Variants in ANTXR1 observed in about 807,000 individuals in gnomAD.
ANTXR1 encodes the protein ANTXR cell adhesion molecule 1, also known as anthrax toxin receptor 1.
ANTXR1 carries 19 observed loss-of-function variants against 78.1 expected under a neutral mutation model. That is an observed-to-expected ratio of 0.24 (90% CI 0.17 to 0.36). ANTXR1 has a LOEUF of 0.36. Ranked by LOEUF, ANTXR1 falls within the 10% of genes least tolerant of loss-of-function variation. The probability of loss-of-function intolerance (pLI) is 1.00; values close to 1 mark genes in which losing one functional copy is unlikely to be tolerated. For synonymous variants in ANTXR1, 273 were observed against 260.5 expected, an observed-to-expected ratio of 1.05 and a Z score of -0.46; for missense variants, 518 against 718.6, an observed-to-expected ratio of 0.72 and a Z score of 3.19.
chr2:69,020,586 T>C (rs1671155767), intron 1 of ANTXR1, among the ~76,000 whole-genome samples: 1 of 152,128 alleles, frequency 6.6e-6, no homozygotes, highest in Non-Finnish European at 1.5e-5. Context: ...CAGAAACAAA[T>C]TCTGGGATCA....
Position 69,173,563 on chromosome 2 carries a change from C to T in ANTXR1, c.1089+3274C>T, listed in dbSNP as rs76403987. Among the ~76,000 whole-genome samples the T allele has an allele frequency of 3.4e-4, 52 of 152,308 alleles. No homozygotes were observed. In the East Asian group the frequency reaches 7.9e-3, roughly 23 times the overall value. On this transcript the variant is annotated intron_variant, in intron 14 of 17. Transcript: ENST00000303714. ...GAAGGAGGAATGGACCTGGTGCAGG[C>T]CCTGTGGCCTCTCTGAAATAGTATT...
chr2:69,047,100 G>A (rs1431545423), intron 3 of ANTXR1, among the ~76,000 whole-genome samples: 1 of 152,132 alleles, frequency 6.6e-6, no homozygotes, highest in Non-Finnish European at 1.5e-5. Context: ...CACATATATG[G>A]AGGGCTGACT....
chr2:69,077,301 G>A (rs936847727), intron 7 of ANTXR1, 107 bp from the exon 8 acceptor site: 18 of 1,206,916 alleles, frequency 1.5e-5, no homozygotes, highest in African/African-American at 3.0e-5. Flanking sequence ...ATATTCCCCT[G>A]GGTTCTGAAT....
intron 3 of ANTXR1, among the ~76,000 whole-genome samples, chr2:69,067,119 T>C (rs1670421981): frequency 6.6e-6 from 1 of 152,078 alleles, no homozygotes; most frequent in African/African-American, 2.4e-5. Context: ...GCTTAGATGT[T>C]GTGGGTCCTT....
Position 69,182,559 on chromosome 2 carries a change from G to A in ANTXR1, c.1252G>A (p.Val418Ile), listed in dbSNP as rs765659905. The A allele has an allele frequency of 4.3e-6, 7 of 1,614,092 alleles. No homozygotes were observed. Among genetic ancestry groups the A allele is most frequent in the Non-Finnish European group, 5.1e-6 (6 of 1,180,054 alleles). ...AKLEKAKNAR[V>I]KMPEQEYEFP... ...GTTGGAAAAGGCAAAGAATGCAAGA[G>A]TCAAGATGCCGGAGCAGGAATATGA... Residue 418 changes from valine to isoleucine, a missense_variant, in exon 16 of 18, where the codon GTC becomes ATC. Around this residue, in one of 5 missense-constraint regions of ANTXR1, gnomAD observed 192 missense variants for 230.2 expected, o/e 0.83. Transcript: ENST00000303714.
chr2:69,079,424 A>G (rs147357848), intron 8 of ANTXR1, among the ~76,000 whole-genome samples: 63 of 152,222 alleles, frequency 4.1e-4, no homozygotes, highest in African/African-American at 1.5e-3. Flanking sequence ...AATCATTGAA[A>G]AACCAGGGAA....
intron 8 of ANTXR1, among the ~76,000 whole-genome samples, chr2:69,078,836 TAAAC>T (rs1670816640): frequency 6.6e-6 from 1 of 152,238 alleles, no homozygotes; most frequent in South Asian, 2.1e-4. Flanking sequence ...TTTGATCCCC[TAAAC>T]ATTCTTGAAT....
intron 1 of ANTXR1, among the ~76,000 whole-genome samples, chr2:69,037,651 G>A (rs756197367): frequency 1.3e-5 from 2 of 151,992 alleles, no homozygotes; most frequent in South Asian, 4.2e-4. Flanking sequence ...TGTATTTTTA[G>A]TAGAGACGGG....
chr2:69,027,425 T>C (rs1671377941), intron 1 of ANTXR1, among the ~76,000 whole-genome samples: 2 of 152,180 alleles, frequency 1.3e-5, no homozygotes, highest in Non-Finnish European at 2.9e-5. Context: ...CAAGCTGGAA[T>C]GATGTAACTG....
intron 12 of ANTXR1, among the ~76,000 whole-genome samples, chr2:69,137,023 C>G (rs188643882): frequency 6.6e-6 from 1 of 152,272 alleles, no homozygotes; most frequent in Non-Finnish European, 1.5e-5. Flanking sequence ...CCCTTTCCTT[C>G]CTAGAAAGCC....
rs1256176351 is a variant in ANTXR1, at chr2:69,249,327, A to G, written c.*3842A>G. On this transcript the variant is annotated 3_prime_UTR_variant, in exon 18 of 18. Transcript: ENST00000303714. ...AAAAAATAATAAATTTCTTAAATCAACTCTTTTTTCTGGTTATTTGTCTGT... is the reference window on the plus strand; with the variant it reads ...AAAAAATAATAAATTTCTTAAATCAGCTCTTTTTTCTGGTTATTTGTCTGT... The G allele has an allele frequency of 6.6e-6, 1 of 152,056 alleles. No individual in the cohort carries two copies. Among genetic ancestry groups the G allele is most frequent in the Non-Finnish European group, 1.5e-5 (1 of 67,988 alleles). 9.4% of individuals were successfully genotyped at this position (152,056 alleles called of 1,614,324 possible).
chr2:69,142,824 A>C (rs532308668), intron 12 of ANTXR1, among the ~76,000 whole-genome samples: 84 of 152,302 alleles, frequency 5.5e-4, no homozygotes, highest in Non-Finnish European at 9.3e-4. Context: ...ACAAAGTGTG[A>C]GGAGGGAGGG....
At chr2:69,228,411 C>T (rs1411097490) in intron 17 of ANTXR1, among the ~76,000 whole-genome samples, 2 of 152,154 alleles carry the variant, frequency 1.3e-5, no homozygotes, top group Admixed American at 1.3e-4. Context: ...TCATTCTGCC[C>T]TAGATTCATT....
Position 69,219,421 on chromosome 2 carries a change from A to ACACACACACACACACACACACC in ANTXR1, c.1435-25803_1435-25802insACACACACACACACACACACCC, listed in dbSNP as rs1305493104. ...CACACACACACACACACACACACAC[A>ACACACACACACACACACACACC]CCCTACTGATGAAAATTAGGTTATC... On this transcript the variant is annotated intron_variant, in intron 17 of 17. Transcript: ENST00000303714. Among the ~76,000 whole-genome samples the ACACACACACACACACACACACC allele has an allele frequency of 4.7e-5, 7 of 150,210 alleles. No individual in the cohort carries two copies. The East Asian group carries it at 9.8e-4, about 21-fold the overall frequency.
At chr2:69,224,461 A>C (rs763622014) in intron 17 of ANTXR1, among the ~76,000 whole-genome samples, 2 of 152,150 alleles carry the variant, frequency 1.3e-5, no homozygotes, top group Non-Finnish European at 2.9e-5. Flanking sequence ...TCTTCACTTT[A>C]GTTTTATCAC....
chr2:69,019,122 A>C (rs1671109597), intron 1 of ANTXR1, among the ~76,000 whole-genome samples: 1 of 152,238 alleles, frequency 6.6e-6, no homozygotes, highest in African/African-American at 2.4e-5. Context: ...ATGCTAAAAC[A>C]CACAGATGTA....
intron 16 of ANTXR1, among the ~76,000 whole-genome samples, chr2:69,189,387 G>C (rs189013975): frequency 3.3e-5 from 5 of 152,322 alleles, no homozygotes; most frequent in Non-Finnish European, 7.3e-5. Flanking sequence ...ACCCAGATCA[G>C]TAGAAACTAC....
intron 10 of ANTXR1, among the ~76,000 whole-genome samples, chr2:69,104,745 T>C (rs1671747990): frequency 6.6e-6 from 1 of 152,130 alleles, no homozygotes; most frequent in South Asian, 2.1e-4. Flanking sequence ...AGAGAGAGAA[T>C]CTACCCTATG....
chr2:69,197,807 T>C (rs944224795), intron 17 of ANTXR1, among the ~76,000 whole-genome samples: 3 of 152,166 alleles, frequency 2.0e-5, no homozygotes, highest in African/African-American at 4.8e-5. Context: ...CAAGGGCAAA[T>C]GGTTGAAGGA....
Sources: allele counts gnomAD v4.1 joint callset (sites outside exome capture counted in the v4.1 genomes callset), GRCh38; gene constraint gnomAD v4.1.1; regional missense constraint gnomAD v4.1.1; transcripts MANE v1.5; gene names NCBI Gene and HGNC (gene_info 2026-07-23, HGNC 2026-07-21).